The following SNX29 variants were observed in gnomAD, a reference collection of about 807,000 sequenced individuals.
SNX29 encodes sorting nexin-29.
A neutral mutation model predicts 102.1 loss-of-function variants in SNX29; 78 were observed. The observed-to-expected ratio is 0.76, with a 90% CI of 0.64 to 0.92. The LOEUF is 0.92. Ranked by LOEUF, SNX29 falls within the 40% of genes least tolerant of loss-of-function variation. The pLI is 0.00. For missense variants in SNX29, 1,280 were observed against 1,061.7 expected (o/e 1.21, Z -2.86); for synonymous variants, 580 against 414.5 (o/e 1.40, Z -4.85).
chr16:12,541,789 T>G (rs892400352), intron 20 of SNX29, among the ~76,000 whole-genome samples: 31 of 152,148 alleles, frequency 2.0e-4, no homozygotes, highest in African/African-American at 6.5e-4. Context: ...CCCCCTGGAA[T>G]GGAAAGGTTC....
intron 14 of SNX29, among the ~76,000 whole-genome samples, chr16:12,240,231 C>T (rs1441920050): frequency 1.3e-5 from 2 of 152,198 alleles, no homozygotes. Context: ...AGGGTCAGCT[C>T]CTGTGAAGAG....
intron 11 of SNX29, among the ~76,000 whole-genome samples, chr16:12,097,121 A>G (rs1212588507): frequency 6.6e-6 from 1 of 152,226 alleles, no homozygotes; most frequent in African/African-American, 2.4e-5. Flanking sequence ...TGTCGCCATT[A>G]TGAAGCCCTT....
At chr16:12,514,082 T>C (rs1329736685) in intron 19 of SNX29, among the ~76,000 whole-genome samples, 1 of 152,230 alleles carries the variant, frequency 6.6e-6, no homozygotes, top group Non-Finnish European at 1.5e-5. Flanking sequence ...GTGGCAGGAT[T>C]GGGCCTGTGG....
At chr16:12,338,666 G>A (rs968541572) in intron 15 of SNX29, among the ~76,000 whole-genome samples, 1 of 152,170 alleles carries the variant, frequency 6.6e-6, no homozygotes, top group African/African-American at 2.4e-5. Context: ...TATCCCCATA[G>A]GCAAATCAGA....
At chr16:12,077,176 G>A (rs1243431132) in intron 10 of SNX29, among the ~76,000 whole-genome samples, 1 of 152,046 alleles carries the variant, frequency 6.6e-6, no homozygotes, top group Non-Finnish European at 1.5e-5. Context: ...CTACTTGGGA[G>A]ACTGATGTGG....
intron 20 of SNX29, among the ~76,000 whole-genome samples, chr16:12,538,218 C>A (rs2077165493): frequency 6.6e-6 from 1 of 152,092 alleles, no homozygotes; most frequent in African/African-American, 2.4e-5. Flanking sequence ...TGGGTTCATG[C>A]CATTCTTGTG....
chr16:12,199,758 C>A, intron 14 of SNX29, 75 bp downstream of exon 14: 3 of 1,221,040 alleles, frequency 2.5e-6, no homozygotes, highest in Non-Finnish European at 3.6e-6. Flanking sequence ...ACGCAATAGA[C>A]ACTCAATGTG....
At chr16:12,261,173 G>T (rs2078742510) in intron 14 of SNX29, among the ~76,000 whole-genome samples, 1 of 149,848 alleles carries the variant, frequency 6.7e-6, no homozygotes, top group African/African-American at 2.5e-5. Flanking sequence ...CCCGGCTGGA[G>T]TGAGTGTTTG....
At chr16:12,088,273 C>G in intron 11 of SNX29, 1 of 379,138 alleles carries the variant, frequency 2.6e-6, no homozygotes, top group Non-Finnish European at 5.2e-6. Flanking sequence ...TCTGCGGGGT[C>G]AGAGCAGGGG....
At chr16:12,556,735 GAATA>G (rs755656556) in intron 20 of SNX29, among the ~76,000 whole-genome samples, 5 of 152,158 alleles carry the variant, frequency 3.3e-5, no homozygotes, top group Non-Finnish European at 1.5e-5. Context: ...TTTGGAATGT[GAATA>G]AAGAAAAATT....
chr16:12,497,988 C>G (rs1253556189), intron 19 of SNX29, among the ~76,000 whole-genome samples: 1 of 152,170 alleles, frequency 6.6e-6, no homozygotes, highest in Non-Finnish European at 1.5e-5. Context: ...AGCACTGTCA[C>G]CAGGAGAAAA....
intron 17 of SNX29, among the ~76,000 whole-genome samples, chr16:12,403,194 G>T (rs1227857088): frequency 1.2e-5 from 1 of 84,664 alleles, no homozygotes; most frequent in African/African-American, 5.9e-5. Context: ...AGTACAGATT[G>T]TGTGTGTATG....
intron 1 of SNX29, among the ~76,000 whole-genome samples, chr16:11,980,284 C>CT (rs1316134247): frequency 6.6e-6 from 1 of 152,094 alleles, no homozygotes; most frequent in Non-Finnish European, 1.5e-5. Flanking sequence ...TCTTATCTGG[C>CT]TTTTTTCACT....
chr16:12,381,387 CCACT>C (rs2083143120), intron 16 of SNX29, among the ~76,000 whole-genome samples: 1 of 111,906 alleles, frequency 8.9e-6, no homozygotes, highest in African/African-American at 3.6e-5. Context: ...ATCCACCCAC[CCACT>C]CATCATCCAT....
intron 1 of SNX29, among the ~76,000 whole-genome samples, chr16:11,982,314 G>A (rs187619411): frequency 5.9e-5 from 9 of 151,732 alleles, no homozygotes; most frequent in Admixed American, 1.3e-4. Flanking sequence ...TCAGATATGT[G>A]TTTGTTGTTA....
At chr16:12,361,598 A>G (rs1033135685) in intron 16 of SNX29, among the ~76,000 whole-genome samples, 3 of 152,184 alleles carry the variant, frequency 2.0e-5, no homozygotes, top group African/African-American at 7.2e-5. Flanking sequence ...AGACTCAGAA[A>G]TGATGCAACT....
At chr16:12,266,887 C>T (rs2078944849) in intron 14 of SNX29, among the ~76,000 whole-genome samples, 1 of 152,124 alleles carries the variant, frequency 6.6e-6, no homozygotes, top group African/African-American at 2.4e-5. Context: ...CCTCAGCCTC[C>T]TGAGTAGCTG....
At chr16:12,344,802 C>T (rs796454242) in intron 15 of SNX29, among the ~76,000 whole-genome samples, 1 of 152,210 alleles carries the variant, frequency 6.6e-6, no homozygotes, top group Non-Finnish European at 1.5e-5. Flanking sequence ...GCCAACGCTG[C>T]GCTGCCTTCT....
intron 11 of SNX29, among the ~76,000 whole-genome samples, chr16:12,107,771 G>C (rs1470072865): frequency 6.6e-6 from 1 of 152,142 alleles, no homozygotes; most frequent in Non-Finnish European, 1.5e-5. Context: ...TTGTTCTGGA[G>C]TTTCATTCTC....
Sources: gnomAD v4.1 joint callset for allele counts (sites outside exome capture counted in the v4.1 genomes callset) on GRCh38, gnomAD v4.1.1 for gene constraint, MANE v1.5 for transcripts, NCBI Gene and HGNC (gene_info 2026-07-23, HGNC 2026-07-21) for gene names.